Variants in NRDC observed in about 807,000 individuals in gnomAD.
NRDC encodes nardilysin.
NRDC carries 54 observed loss-of-function variants against 147.1 expected under a neutral mutation model. That is an observed-to-expected ratio of 0.37 (90% CI 0.29 to 0.46). The LOEUF (loss-of-function observed/expected upper bound fraction) is 0.46, where lower values mean the gene tolerates loss of function less well. Among genes scored for constraint, NRDC ranks in the 20% least tolerant of loss-of-function variants. The pLI, the probability that NRDC is intolerant of heterozygous loss-of-function variation, is 1.00. For synonymous variants in NRDC, 440 were observed against 482.1 expected (o/e 0.91, Z 1.14); for missense variants, 1,082 against 1,370.6 (o/e 0.79, Z 3.33).
intron 1 of NRDC, among the ~76,000 whole-genome samples, chr1:51,846,237 C>G (rs969237587): frequency 1.8e-4 from 28 of 152,090 alleles, no homozygotes; most frequent in African/African-American, 6.7e-4. Flanking sequence ...CTTAAGCTCC[C>G]GGGTAGCTGG....
Position 51,789,385 on chromosome 1 carries a change from T to C in NRDC, c.3307A>G (p.Ser1103Gly), listed in dbSNP as rs1017272377. The C allele has an allele frequency of 1.9e-6, 3 of 1,614,012 alleles. No individual in the cohort carries two copies. The highest frequency in any genetic ancestry group is 3.3e-5 in the Admixed American group (2 of 59,992). The change falls in exon 31 of 31, where the codon AGT becomes GGT. Residue 1103 changes from serine to glycine, a missense_variant. Ser to Gly is a moderately conservative substitution (Grantham distance 56). Around this residue, in one of 3 missense-constraint regions of NRDC, gnomAD observed 187 missense variants for 193.6 expected, o/e 0.97. Transcript: ENST00000352171. ...YELEEDGTPS[S>G]EDSNSSCEVM... ...TCACAAGAAGAATTTGAATCCTCACTAGAAGGGGTACCATCCTCTTCCAGT... is the reference window on the plus strand; with the variant it reads ...TCACAAGAAGAATTTGAATCCTCACCAGAAGGGGTACCATCCTCTTCCAGT...
Position 51,840,626 on chromosome 1 carries a change from C to T in NRDC, c.342-112G>A. 4 of 690,106 alleles carry T rather than the reference C, an allele frequency of 5.8e-6. No individual in the cohort carries two copies. The South Asian group carries it at 7.9e-5, about 14-fold the overall frequency. 42.7% of individuals were successfully genotyped at this position (690,106 alleles called of 1,614,324 possible). A position where few individuals can be genotyped will look rare whatever the true frequency, so the allele number is the denominator to read the frequency against. On this transcript the variant is annotated intron_variant, in intron 1 of 30. Transcript: ENST00000352171. ...AAGAATCCAAGTAAAAGTACAAACACACACACACACAACTATTTGTAAACT... is the reference window on the plus strand; with the variant it reads ...AAGAATCCAAGTAAAAGTACAAACATACACACACACAACTATTTGTAAACT...
intron 1 of NRDC, among the ~76,000 whole-genome samples, chr1:51,841,338 C>T (rs1253745749): frequency 6.6e-6 from 1 of 152,126 alleles, no homozygotes; most frequent in Non-Finnish European, 1.5e-5. Flanking sequence ...GACAAGGTCT[C>T]ACTCTGTTGT....
intron 1 of NRDC, among the ~76,000 whole-genome samples, chr1:51,854,630 A>G (rs1278602401): frequency 6.6e-6 from 1 of 152,150 alleles, no homozygotes; most frequent in Non-Finnish European, 1.5e-5. Context: ...TAACAGTAAC[A>G]ACAGCCAAGC....
At chr1:51,873,108 C>T (rs1683159661) in intron 1 of NRDC, among the ~76,000 whole-genome samples, 1 of 149,746 alleles carries the variant, frequency 6.7e-6, no homozygotes, top group Non-Finnish European at 1.5e-5. Flanking sequence ...TGAAGCATTA[C>T]GGTTCCAGGA....
At chr1:51,795,458 G>A (rs856613) in intron 22 of NRDC, 31,101 of 217,812 alleles carry the variant, frequency 0.14, 4,390 homozygotes, top group African/African-American at 0.41. Context: ...TGAGACTTAA[G>A]ATTCTTTTGG....
Position 51,875,595 on chromosome 1 carries a change from G to GT in NRDC, c.341+2679_341+2680insA, listed in dbSNP as rs1397117386. On this transcript the variant is annotated intron_variant, in intron 1 of 30. Coordinates refer to ENST00000352171, the MANE Select transcript of NRDC (RefSeq NM_001101662.2). ...TTGTTTTTTGAGACAGTGTCTCACT[G>GT]CCACCCAGGCTGGAGTGCAGTGGCA... 5.4e-3 allele frequency among the ~76,000 whole-genome samples: 822 copies of GT among 152,174 alleles called. 2 individuals are homozygous for GT. Among genetic ancestry groups the GT allele is most frequent in the Non-Finnish European group, 8.6e-3 (583 of 68,020 alleles).
intron 17 of NRDC, among the ~76,000 whole-genome samples, chr1:51,808,158 A>G (rs546227765): frequency 3.6e-4 from 55 of 152,150 alleles, no homozygotes; most frequent in African/African-American, 1.3e-3. Context: ...TTCACATAAC[A>G]TAAACTTAGC....
chr1:51,820,148 C>T (rs1043015012), intron 8 of NRDC, among the ~76,000 whole-genome samples: 6 of 152,208 alleles, frequency 3.9e-5, no homozygotes, highest in East Asian at 1.9e-4. Flanking sequence ...TTTACTGACT[C>T]TATCAGCCTC....
intron 1 of NRDC, among the ~76,000 whole-genome samples, chr1:51,846,180 C>G (rs1030695736): frequency 1.3e-5 from 2 of 151,858 alleles, no homozygotes; most frequent in African/African-American, 4.8e-5. Context: ...GGTGCCGTCT[C>G]GGCTCACTGC....
chr1:51,798,072 G>C, intron 22 of NRDC, 177 bp downstream of exon 22: 1 of 570,632 alleles, frequency 1.8e-6, no homozygotes, highest in Non-Finnish European at 3.0e-6. Context: ...TCCCAGCCCA[G>C]CAGTCTTCAT....
chr1:51,794,328 A>G, intron 24 of NRDC, 144 bp downstream of exon 24: 1 of 763,646 alleles, frequency 1.3e-6, no homozygotes, highest in Non-Finnish European at 2.2e-6. Context: ...CAACAGGAGC[A>G]ATTTTTAAAT....
intron 2 of NRDC, among the ~76,000 whole-genome samples, chr1:51,839,457 T>C (rs1446551066): frequency 6.6e-6 from 1 of 152,116 alleles, no homozygotes; most frequent in Non-Finnish European, 1.5e-5. Context: ...GAATATATTA[T>C]CAATATTCAA....
intron 1 of NRDC, among the ~76,000 whole-genome samples, chr1:51,872,894 T>C (rs1163379578): frequency 6.6e-6 from 1 of 152,076 alleles, no homozygotes; most frequent in Non-Finnish European, 1.5e-5. Flanking sequence ...CAAGTGAGAG[T>C]GCAAAACAAA....
At chr1:51,813,375 C>T (rs1018650854) in intron 14 of NRDC, among the ~76,000 whole-genome samples, 1 of 152,160 alleles carries the variant, frequency 6.6e-6, no homozygotes, top group Non-Finnish European at 1.5e-5. Flanking sequence ...GAAACATAGT[C>T]GGATTTTTCC....
Position 51,805,491 on chromosome 1 carries a change from A to T in NRDC, c.2162+19T>A. On this transcript the variant is annotated intron_variant, in intron 19 of 30. Coordinates refer to ENST00000352171, the MANE Select transcript of NRDC (RefSeq NM_001101662.2). ...ATAACTAAAAAATGTATTTTCCAGA[A>T]AAAAAGACAATTGCTTACTTTGCTG... is the stretch of plus-strand genomic sequence containing the variant. The T allele has an allele frequency of 6.4e-7, 1 of 1,555,784 alleles. No homozygotes were observed. The highest frequency in any genetic ancestry group is 1.4e-5 in the African/African-American group (1 of 71,898).
chr1:51,798,369 C>G lies in NRDC; in HGVS notation c.2484G>C (p.Met828Ile). The G allele has an allele frequency of 6.2e-7, 1 of 1,614,040 alleles. No individual in the cohort carries two copies. The highest frequency in any genetic ancestry group is 8.5e-7 in the Non-Finnish European group (1 of 1,179,970). The change falls in exon 22 of 31, where the codon ATG (methionine) becomes ATC (isoleucine). Residue 828 changes from methionine (M) to isoleucine (I), a missense_variant. Coordinates refer to ENST00000352171, the MANE Select transcript of NRDC (RefSeq NM_001101662.2). Reference sequence around the variant, plus strand: ...CCATCAAAGCCTGGTACTTGTCAATCATAGACCAACGGGCATATTCCAAGA... The same window carrying G: ...CCATCAAAGCCTGGTACTTGTCAATGATAGACCAACGGGCATATTCCAAGA... ...LLILEYARWS[M>I]IDKYQALMDG...
At chr1:51,877,775 T>C (rs928199006) in intron 1 of NRDC, among the ~76,000 whole-genome samples, 6 of 152,152 alleles carry the variant, frequency 3.9e-5, no homozygotes, top group African/African-American at 1.4e-4. Flanking sequence ...AACAAGTCAC[T>C]TCAACTTAGG....
intron 2 of NRDC, 200 bp downstream of exon 2, chr1:51,840,026 C>T: frequency 1.8e-5 from 8 of 455,332 alleles, no homozygotes; most frequent in South Asian, 1.4e-4. Context: ...CTTTATATTC[C>T]ATTAGTTTAT....
Sources: allele counts gnomAD v4.1 joint callset (sites outside exome capture counted in the v4.1 genomes callset), GRCh38; gene constraint gnomAD v4.1.1; regional missense constraint gnomAD v4.1.1; transcripts MANE v1.5; gene names NCBI Gene and HGNC (gene_info 2026-07-23, HGNC 2026-07-21).